The following MAD1L1 variants were observed in gnomAD, a reference collection of about 807,000 sequenced individuals.
The protein encoded by MAD1L1 is mitotic arrest deficient 1 like 1.
In MAD1L1, 95 loss-of-function variants were observed where a neutral mutation model predicts 96.9. That is an observed-to-expected ratio of 0.98 (90% CI 0.83 to 1.16). The LOEUF (loss-of-function observed/expected upper bound fraction) is 1.16. Ranked by LOEUF, MAD1L1 falls within the 50% of genes most tolerant of loss-of-function variation. The probability of loss-of-function intolerance (pLI) is 0.00; values close to 1 mark genes in which losing one functional copy is unlikely to be tolerated. For synonymous variants in MAD1L1, 473 were observed against 396.6 expected, an observed-to-expected ratio of 1.19 and a Z score of -2.29; for missense variants, 1,007 against 954.4, an observed-to-expected ratio of 1.06 and a Z score of -0.73.
intron 18 of MAD1L1, among the ~76,000 whole-genome samples, chr7:1,843,647 C>T (rs992982154): frequency 7.9e-5 from 12 of 152,224 alleles, no homozygotes; most frequent in Non-Finnish European, 1.6e-4. Flanking sequence ...CTTCCTAACA[C>T]GAAGGAGTCA....
rs565307847 is a variant in MAD1L1, at chr7:1,850,788, A to G, written c.1999-34560T>C. Reference sequence around the variant, plus strand: ...TGACAGCAGTGATTGCGACAACAGCAAACACATGTTCACTGCAGGCCAGAC... The same window carrying G: ...TGACAGCAGTGATTGCGACAACAGCGAACACATGTTCACTGCAGGCCAGAC... On this transcript the variant is annotated intron_variant, in intron 18 of 18. Transcript: ENST00000265854. Among the ~76,000 whole-genome samples the G allele has an allele frequency of 2.6e-5, 4 of 152,242 alleles. No individual in the cohort carries two copies. In the South Asian group the frequency reaches 8.3e-4, roughly 32 times the overall value.
At chr7:1,894,522 C>T (rs1017256559) in intron 18 of MAD1L1, among the ~76,000 whole-genome samples, 10 of 152,210 alleles carry the variant, frequency 6.6e-5, no homozygotes, top group African/African-American at 2.4e-4. Flanking sequence ...CCTCTTGCAG[C>T]CTCCGAAGTG....
intron 11 of MAD1L1, among the ~76,000 whole-genome samples, chr7:2,073,553 C>G (rs567207374): frequency 1.3e-5 from 2 of 152,208 alleles, no homozygotes; most frequent in African/African-American, 4.8e-5. Flanking sequence ...GCTGGCTCCC[C>G]GAATACGCCT....
intron 10 of MAD1L1, among the ~76,000 whole-genome samples, chr7:2,188,650 T>G (rs1791571853): frequency 6.6e-6 from 1 of 152,148 alleles, no homozygotes; most frequent in Non-Finnish European, 1.5e-5. Context: ...AAGAATGAAG[T>G]TGGGCCCTTA....
chr7:2,131,157 G>A (rs1235217608), intron 11 of MAD1L1, among the ~76,000 whole-genome samples: 2 of 152,208 alleles, frequency 1.3e-5, no homozygotes, highest in Non-Finnish European at 2.9e-5. Flanking sequence ...GATGAGCAGC[G>A]TGTCAGCCTT....
chr7:1,879,966 G>A (rs567209122), intron 18 of MAD1L1, among the ~76,000 whole-genome samples: 1 of 152,246 alleles, frequency 6.6e-6, no homozygotes, highest in African/African-American at 2.4e-5. Context: ...TCCTGACCTG[G>A]TGATCCGCCC....
intron 10 of MAD1L1, among the ~76,000 whole-genome samples, chr7:2,185,392 T>C (rs1018744223): frequency 2.0e-5 from 3 of 152,196 alleles, no homozygotes; most frequent in Non-Finnish European, 4.4e-5. Context: ...CCAGAGGTAA[T>C]GGAAACTTTC....
chr7:1,878,376 G>A (rs1785493686), intron 18 of MAD1L1, among the ~76,000 whole-genome samples: 1 of 151,970 alleles, frequency 6.6e-6, no homozygotes, highest in South Asian at 2.1e-4. Context: ...CTAAACCACA[G>A]ATGAATATTG....
At chr7:2,137,996 G>A (rs1788836028) in intron 11 of MAD1L1, among the ~76,000 whole-genome samples, 1 of 152,358 alleles carries the variant, frequency 6.6e-6, no homozygotes, top group Non-Finnish European at 1.5e-5. Flanking sequence ...CATGATGGCA[G>A]CTGAAGTTCA....
chr7:1,821,916 C>T lies in MAD1L1; in HGVS notation c.1999-5688G>A, dbSNP rs61454701. Among the ~76,000 whole-genome samples, 67 of 152,254 alleles carry T rather than the reference C, an allele frequency of 4.4e-4. 1 individual carries two copies. The highest frequency in any genetic ancestry group is 9.4e-4 in the African/African-American group (39 of 41,568). Reference sequence around the variant, plus strand: ...CTCAACCCAGCATGGGAGCTCCTCACGCCAGGGCATGCAGGTAAGAAAAGG... The same window carrying T: ...CTCAACCCAGCATGGGAGCTCCTCATGCCAGGGCATGCAGGTAAGAAAAGG... On this transcript the variant is annotated intron_variant, in intron 18 of 18. Transcript: ENST00000265854.
At chr7:1,888,509 C>T (rs1269411526) in intron 18 of MAD1L1, among the ~76,000 whole-genome samples, 3 of 141,078 alleles carry the variant, frequency 2.1e-5, no homozygotes, top group Middle Eastern at 5.3e-3. Context: ...GCTGCCTGTT[C>T]GTGTGTGTGC....
intron 18 of MAD1L1, chr7:1,849,695 A>T (rs373327964): frequency 4.6e-5 from 7 of 152,324 alleles, no homozygotes; most frequent in East Asian, 3.9e-4. Context: ...CTAAAGGTGG[A>T]ACCCCAGGTG....
At chr7:1,979,548 C>G (rs1023488615) in intron 15 of MAD1L1, among the ~76,000 whole-genome samples, 1 of 152,234 alleles carries the variant, frequency 6.6e-6, no homozygotes, top group Non-Finnish European at 1.5e-5. Context: ...CCACCTGCAT[C>G]TGCCTGGAAA....
chr7:1,854,326 G>A (rs975246440), intron 18 of MAD1L1: 7 of 462,552 alleles, frequency 1.5e-5, no homozygotes, highest in Non-Finnish European at 3.0e-5. Flanking sequence ...CTGGGCCCCG[G>A]CAGCTCGTCC....
chr7:1,942,343 C>T (rs995237884), intron 16 of MAD1L1, among the ~76,000 whole-genome samples: 3 of 152,226 alleles, frequency 2.0e-5, no homozygotes, highest in Non-Finnish European at 4.4e-5. Flanking sequence ...GACCGTGCCC[C>T]AAGGTGGCTG....
intron 10 of MAD1L1, among the ~76,000 whole-genome samples, chr7:2,210,407 CTA>C (rs1792855773): frequency 6.9e-6 from 1 of 144,440 alleles, no homozygotes; most frequent in Non-Finnish European, 1.6e-5. Flanking sequence ...CCCGGTGATT[CTA>C]GGAGCCGTAT....
intron 17 of MAD1L1, among the ~76,000 whole-genome samples, chr7:1,901,469 G>A (rs1470489118): frequency 3.3e-5 from 5 of 152,168 alleles, no homozygotes; most frequent in South Asian, 2.1e-4. Context: ...CCCTGTGCCC[G>A]ACCCCAGCCC....
chr7:2,062,536 C>G (rs557904900), intron 12 of MAD1L1, among the ~76,000 whole-genome samples: 2 of 152,156 alleles, frequency 1.3e-5, no homozygotes, highest in Admixed American at 1.3e-4. Flanking sequence ...GATCACGCGA[C>G]TGCACTCCAG....
intron 10 of MAD1L1, among the ~76,000 whole-genome samples, chr7:2,156,966 C>T (rs759650143): frequency 1.3e-5 from 2 of 152,204 alleles, no homozygotes; most frequent in Non-Finnish European, 2.9e-5. Context: ...ACCCACCACA[C>T]GTGTGACAGA....
Sources: allele counts gnomAD v4.1 joint callset (sites outside exome capture counted in the v4.1 genomes callset), GRCh38; gene constraint gnomAD v4.1.1; transcripts MANE v1.5; gene names NCBI Gene and HGNC (gene_info 2026-07-23, HGNC 2026-07-21).